POFUT3: variants seen among roughly 807,000 people sequenced by gnomAD.
POFUT3 encodes GDP-fucose protein O-fucosyltransferase 3.
chr8:33,364,939 C>T, the POFUT3 span, among the ~76,000 whole-genome samples: 1 of 152,122 alleles, frequency 6.6e-6, no homozygotes, highest in African/African-American at 2.4e-5. Flanking sequence ...CAAAAAAGAG[C>T]CCACATTGCC....
At chr8:33,406,320 C>T in the POFUT3 span, among the ~76,000 whole-genome samples, 1 of 152,034 alleles carries the variant, frequency 6.6e-6, no homozygotes, top group Non-Finnish European at 1.5e-5. Context: ...CATAAAATTA[C>T]AGGCTGAATT....
the POFUT3 span, among the ~76,000 whole-genome samples, chr8:33,327,451 A>G: frequency 6.6e-6 from 1 of 152,166 alleles, no homozygotes; most frequent in South Asian, 2.1e-4. Flanking sequence ...CACAGTACTG[A>G]GCATTTTGTG....
At chr8:33,465,427 T>G in the POFUT3 span, among the ~76,000 whole-genome samples, 1 of 92,948 alleles carries the variant, frequency 1.1e-5, no homozygotes, top group Non-Finnish European at 2.3e-5. Context: ...TACATATATA[T>G]ATAGAGAGAG....
chr8:33,353,845 TATTTCCTGTTTGGGG>T, the POFUT3 span, among the ~76,000 whole-genome samples: 4 of 152,166 alleles, frequency 2.6e-5, no homozygotes, highest in Admixed American at 6.5e-5. Flanking sequence ...TGCAACATCT[TATTTCCTGTTTGGGG>T]ATTTCCTGAA....
the POFUT3 span, among the ~76,000 whole-genome samples, chr8:33,440,459 G>A: frequency 1.3e-5 from 2 of 152,120 alleles, no homozygotes; most frequent in East Asian, 3.9e-4. Context: ...GGCAGAGCTT[G>A]TTTTCTTTGC....
At chr8:33,448,630 A>G in the POFUT3 span, among the ~76,000 whole-genome samples, 1 of 152,028 alleles carries the variant, frequency 6.6e-6, no homozygotes, top group African/African-American at 2.4e-5. Context: ...GGGTCTCTCT[A>G]TTCATAAAGA....
At chr8:33,457,080 G>C in the POFUT3 span, among the ~76,000 whole-genome samples, 1 of 151,884 alleles carries the variant, frequency 6.6e-6, no homozygotes, top group Admixed American at 6.6e-5. Flanking sequence ...AACCTTTTAA[G>C]AGTGAAAAAA....
chr8:33,367,234 C>T, the POFUT3 span, among the ~76,000 whole-genome samples: 7 of 152,176 alleles, frequency 4.6e-5, no homozygotes, highest in African/African-American at 7.2e-5. Context: ...GTGGGCTTAC[C>T]GGAATGATGG....
chr8:33,423,751 A>C, the POFUT3 span, among the ~76,000 whole-genome samples: 1 of 143,652 alleles, frequency 7.0e-6, no homozygotes, highest in East Asian at 2.2e-4. Flanking sequence ...AGTTTCTAGT[A>C]TAGATTTTGA....
the POFUT3 span, among the ~76,000 whole-genome samples, chr8:33,439,263 C>T: frequency 8.0e-3 from 1,210 of 152,026 alleles, 6 homozygotes; most frequent in Middle Eastern, 0.024. Context: ...ATTAGCCGGG[C>T]ATGGTGGCGT....
the POFUT3 span, among the ~76,000 whole-genome samples, chr8:33,335,573 T>A: frequency 6.6e-6 from 1 of 152,192 alleles, no homozygotes; most frequent in Admixed American, 6.5e-5. Flanking sequence ...GACTTTTGAC[T>A]AATGTAGGGG....
At chr8:33,411,774 G>A in the POFUT3 span, among the ~76,000 whole-genome samples, 7 of 152,216 alleles carry the variant, frequency 4.6e-5, no homozygotes, top group South Asian at 1.0e-3. Flanking sequence ...GGCAAAAAGA[G>A]TGAAACTCCA....
chr8:33,429,342 A>C, the POFUT3 span, among the ~76,000 whole-genome samples: 1 of 152,126 alleles, frequency 6.6e-6, no homozygotes, highest in Non-Finnish European at 1.5e-5. Context: ...CCTGCCAAAA[A>C]AAGTCACTAT....
the POFUT3 span, among the ~76,000 whole-genome samples, chr8:33,413,807 A>C: frequency 6.6e-6 from 1 of 152,200 alleles, no homozygotes; most frequent in East Asian, 1.9e-4. Flanking sequence ...ATAAAGATAC[A>C]TATACCATAA....
the POFUT3 span, among the ~76,000 whole-genome samples, chr8:33,377,108 T>G: frequency 6.6e-6 from 1 of 152,034 alleles, no homozygotes; most frequent in South Asian, 2.1e-4. Flanking sequence ...GGCATATGCC[T>G]GTAATCCCAG....
At chr8:33,351,535 C>T in the POFUT3 span, among the ~76,000 whole-genome samples, 2,052 of 152,170 alleles carry the variant, frequency 0.013, 44 homozygotes, top group African/African-American at 0.047. Flanking sequence ...TAACCTCTTC[C>T]TCCCTTGCCA....
chr8:33,373,976 T>C, the POFUT3 span, among the ~76,000 whole-genome samples: 1 of 152,188 alleles, frequency 6.6e-6, no homozygotes, highest in Non-Finnish European at 1.5e-5. Flanking sequence ...CATCCCCTGA[T>C]ACAGGGGTCC....
the POFUT3 span, among the ~76,000 whole-genome samples, chr8:33,362,045 G>A: frequency 6.6e-6 from 1 of 152,218 alleles, no homozygotes; most frequent in East Asian, 1.9e-4. Context: ...ACAAAGGGAA[G>A]CCCATCAGAC....
At chr8:33,334,264 C>T in the POFUT3 span, among the ~76,000 whole-genome samples, 2 of 152,046 alleles carry the variant, frequency 1.3e-5, no homozygotes, top group African/African-American at 2.4e-5. Flanking sequence ...GTTGCCCAGG[C>T]TTGAGTACAC....
Sources: allele counts gnomAD v4.1 joint callset (sites outside exome capture counted in the v4.1 genomes callset), GRCh38; gene constraint gnomAD v4.1.1; transcripts MANE v1.5; gene names NCBI Gene and HGNC (gene_info 2026-07-23, HGNC 2026-07-21).